Variants in DLG2 observed in about 807,000 individuals in gnomAD.
DLG2 encodes disks large homolog 2.
A neutral mutation model predicts 132.5 loss-of-function variants in DLG2; 45 were observed. That is an observed-to-expected ratio of 0.34 (90% CI 0.27 to 0.44). The LOEUF is 0.44. Ranked by LOEUF, DLG2 falls within the 20% of genes least tolerant of loss-of-function variation. The pLI, the probability that DLG2 is intolerant of heterozygous loss-of-function variation, is 1.00. For synonymous variants in DLG2, 424 were observed against 419.6 expected, an observed-to-expected ratio of 1.01 and a Z score of -0.13; for missense variants, 1,045 against 1,196.9, an observed-to-expected ratio of 0.87 and a Z score of 1.87.
intron 3 of DLG2, among the ~76,000 whole-genome samples, chr11:85,418,033 G>A (rs565339408): frequency 6.6e-6 from 1 of 152,170 alleles, no homozygotes; most frequent in South Asian, 2.1e-4. Context: ...AGATGTTAGG[G>A]TGTCGATTTT....
At chr11:85,089,801 C>T (rs377649177) in intron 6 of DLG2, among the ~76,000 whole-genome samples, 7 of 152,020 alleles carry the variant, frequency 4.6e-5, no homozygotes, top group South Asian at 2.1e-4. Context: ...GATACACAAG[C>T]GGCCAACAAA....
At chr11:84,265,000 A>AATATC (rs1272330776) in intron 7 of DLG2, among the ~76,000 whole-genome samples, 3 of 152,170 alleles carry the variant, frequency 2.0e-5, no homozygotes, top group Non-Finnish European at 4.4e-5. Flanking sequence ...TCTAATTTTG[A>AATATC]ATATCATAAA....
chr11:84,204,733 T>G (rs1003318799), intron 8 of DLG2, among the ~76,000 whole-genome samples: 2 of 152,200 alleles, frequency 1.3e-5, no homozygotes, highest in East Asian at 1.9e-4. Flanking sequence ...TTATTATTCT[T>G]TTGAGATAGA....
chr11:83,852,520 C>A (rs1277345570), intron 16 of DLG2, among the ~76,000 whole-genome samples: 1 of 152,186 alleles, frequency 6.6e-6, no homozygotes, highest in Non-Finnish European at 1.5e-5. Flanking sequence ...AGACAAAGGA[C>A]TACCATGAAT....
At chr11:84,617,088 A>G (rs751849284) in intron 6 of DLG2, among the ~76,000 whole-genome samples, 3 of 151,624 alleles carry the variant, frequency 2.0e-5, no homozygotes, top group Non-Finnish European at 2.9e-5. Flanking sequence ...GCACCCATCA[A>G]CCCGTCAACC....
chr11:85,323,716 A>C (rs2081243072), intron 3 of DLG2, among the ~76,000 whole-genome samples: 3 of 152,310 alleles, frequency 2.0e-5, no homozygotes, highest in South Asian at 4.1e-4. Flanking sequence ...CAGGAGGTGA[A>C]CTTTTTTAGC....
At chr11:84,789,402 A>AT (rs1181864713) in intron 6 of DLG2, among the ~76,000 whole-genome samples, 1 of 151,846 alleles carries the variant, frequency 6.6e-6, no homozygotes, top group East Asian at 1.9e-4. Flanking sequence ...ACAAAGCTTT[A>AT]TTTTTTTTCC....
At chr11:84,251,776 G>C (rs562692723) in intron 7 of DLG2, among the ~76,000 whole-genome samples, 2 of 151,208 alleles carry the variant, frequency 1.3e-5, no homozygotes, top group African/African-American at 4.9e-5. Context: ...AAGTAGCTAC[G>C]ACTACAGGCA....
At chr11:85,151,224 G>T (rs974964227) in intron 5 of DLG2, among the ~76,000 whole-genome samples, 1 of 152,026 alleles carries the variant, frequency 6.6e-6, no homozygotes, top group Admixed American at 6.5e-5. Context: ...CTTGTTATTT[G>T]TTGTTGAGTT....
At chr11:84,544,868 G>C (rs1257593783) in intron 6 of DLG2, among the ~76,000 whole-genome samples, 1 of 152,108 alleles carries the variant, frequency 6.6e-6, no homozygotes, top group Non-Finnish European at 1.5e-5. Flanking sequence ...CGCTAAAAGT[G>C]AATTTTTCAC....
chr11:84,033,155 G>T (rs2095755512), intron 11 of DLG2, among the ~76,000 whole-genome samples: 2 of 152,246 alleles, frequency 1.3e-5, no homozygotes, highest in South Asian at 4.1e-4. Flanking sequence ...TATTATTTAA[G>T]AAATACTTTC....
chr11:85,055,859 G>T (rs990973251), intron 6 of DLG2, among the ~76,000 whole-genome samples: 1 of 152,062 alleles, frequency 6.6e-6, no homozygotes, highest in East Asian at 1.9e-4. Flanking sequence ...TAGGGTTAGG[G>T]TTAAGGTTGG....
At chr11:84,318,810 T>C (rs780491849) in intron 7 of DLG2, among the ~76,000 whole-genome samples, 1 of 152,196 alleles carries the variant, frequency 6.6e-6, no homozygotes, top group Non-Finnish European at 1.5e-5. Context: ...TTCTGGTCTA[T>C]GTTAATGGCC....
intron 7 of DLG2, among the ~76,000 whole-genome samples, chr11:84,355,244 G>C (rs1307855126): frequency 6.6e-6 from 1 of 152,076 alleles, no homozygotes; most frequent in South Asian, 2.1e-4. Flanking sequence ...ATCACAGGAA[G>C]GGAGGAAAGA....
intron 19 of DLG2, among the ~76,000 whole-genome samples, chr11:83,592,601 A>G (rs976408623): frequency 1.3e-5 from 2 of 152,082 alleles, no homozygotes; most frequent in Non-Finnish European, 2.9e-5. Context: ...TTCATGTCCA[A>G]AACACCAAAA....
chr11:83,980,266 T>G (rs2092666937), intron 12 of DLG2, among the ~76,000 whole-genome samples: 1 of 152,096 alleles, frequency 6.6e-6, no homozygotes, highest in African/African-American at 2.4e-5. Flanking sequence ...AAAGGCCATG[T>G]GAGGACACAG....
chr11:84,135,502 A>G (rs1356641011), intron 9 of DLG2, among the ~76,000 whole-genome samples: 1 of 152,132 alleles, frequency 6.6e-6, no homozygotes, highest in African/African-American at 2.4e-5. Flanking sequence ...CCAAGAGTTA[A>G]GGATTATGTC....
At chr11:83,859,421 G>A (rs1350150273) in intron 16 of DLG2, among the ~76,000 whole-genome samples, 1 of 152,196 alleles carries the variant, frequency 6.6e-6, no homozygotes, top group African/African-American at 2.4e-5. Flanking sequence ...CTGGAGCAAA[G>A]GTAACTCCTT....
intron 1 of DLG2, among the ~76,000 whole-genome samples, 161 bp from the exon 2 acceptor site, chr11:85,626,914 T>A (rs766772448): frequency 6.6e-6 from 1 of 152,312 alleles, no homozygotes; most frequent in Non-Finnish European, 1.5e-5. Flanking sequence ...ATTGTAAACA[T>A]GAAGAACGTT....
Sources: allele counts gnomAD v4.1 joint callset (sites outside exome capture counted in the v4.1 genomes callset), GRCh38; gene constraint gnomAD v4.1.1; transcripts MANE v1.5; gene names NCBI Gene and HGNC (gene_info 2026-07-23, HGNC 2026-07-21).